The following CDC42EP3 variants were observed in gnomAD, a reference collection of about 807,000 sequenced individuals.
CDC42EP3 encodes the protein CDC42 effector protein 3.
CDC42EP3 carries 4 observed loss-of-function variants against 15.5 expected under a neutral mutation model. That is an observed-to-expected ratio of 0.26 (90% CI 0.13 to 0.59). CDC42EP3 has a LOEUF of 0.59. Among genes scored for constraint, CDC42EP3 ranks in the 20% least tolerant of loss-of-function variants. The pLI is 0.89. For synonymous variants in CDC42EP3, 145 were observed against 130.3 expected, an observed-to-expected ratio of 1.11 and a Z score of -0.77; for missense variants, 309 against 311.2, an observed-to-expected ratio of 0.99 and a Z score of 0.05.
rs149974857 is a variant in CDC42EP3 at position 37,646,218 on chromosome 2, A to C, written c.370T>G (p.Ser124Ala). 121 of 1,614,068 alleles carry C rather than the reference A, an allele frequency of 7.5e-5. No homozygotes were observed. Among genetic ancestry groups the C allele is most frequent in the Non-Finnish European group, 1.0e-4 (118 of 1,180,036 alleles). ...GSQALMLPLL[S>A]PVTFNSKQES... ...TGTTTGGAATTAAATGTCACTGGTGACAATAAGGGCAACATGAGAGCTTGG... is the reference window on the plus strand; with the variant it reads ...TGTTTGGAATTAAATGTCACTGGTGCCAATAAGGGCAACATGAGAGCTTGG... The change falls in exon 2 of 2, where the codon TCA (serine) becomes GCA (alanine). Residue 124 changes from serine (S) to alanine (A), a missense_variant. By Grantham distance (99) the Ser-to-Ala change is moderately conservative. Coordinates refer to ENST00000295324, the MANE Select transcript of CDC42EP3 (RefSeq NM_006449.5).
In CDC42EP3 at chr2:37,663,130, A is replaced by G. The variant is rs138078441; in HGVS notation, c.-236+8296T>C. Among the ~76,000 whole-genome samples the G allele has an allele frequency of 1.7e-3, 265 of 152,314 alleles. 1 individual carries two copies. Among genetic ancestry groups the G allele is most frequent in the Middle Eastern group, 0.01 (3 of 294 alleles). ...TAGTAAGCCAAGACTGTGCCACTGC[A>G]CTCTGGCCTGGGCAACTGAGTGAGT... On this transcript the variant is annotated intron_variant, in intron 1 of 1. Transcript: ENST00000295324.
rs544131862 is a variant in CDC42EP3, at chr2:37,645,460, G to T, written c.*363C>A. ...TTCCTCTTGCTCAGAAAATGTCGGA[G>T]TGCTATAAAGTTCCGTGAAGTTCCT... On this transcript the variant is annotated 3_prime_UTR_variant, in exon 2 of 2. Transcript: ENST00000295324. The T allele has an allele frequency of 5.9e-6, 1 of 169,062 alleles. No homozygotes were observed. Among genetic ancestry groups the T allele is most frequent in the African/African-American group, 2.4e-5 (1 of 42,144 alleles). 10.5% of individuals were successfully genotyped at this position (169,062 alleles called of 1,614,324 possible). A position where few individuals can be genotyped will look rare whatever the true frequency, so the allele number is the denominator to read the frequency against.
chr2:37,671,825 G>C (rs1269083827), upstream of CDC42EP3: 5 of 150,750 alleles, frequency 3.3e-5, no homozygotes, highest in Non-Finnish European at 7.4e-5. Flanking sequence ...GCGCGCGGGG[G>C]GGGGTCACCG....
At chr2:37,658,871 A>C (rs1365626091) in intron 1 of CDC42EP3, among the ~76,000 whole-genome samples, 1 of 152,156 alleles carries the variant, frequency 6.6e-6, no homozygotes, top group Non-Finnish European at 1.5e-5. Context: ...CTTCCAATCT[A>C]CACCAGAGTG....
chr2:37,652,436 C>T (rs992976863), intron 1 of CDC42EP3, among the ~76,000 whole-genome samples: 4 of 152,136 alleles, frequency 2.6e-5, no homozygotes, highest in Non-Finnish European at 4.4e-5. Flanking sequence ...CTGGGTGTTC[C>T]ACAACCCAGA....
At chr2:37,660,007 G>A (rs1465979797) in intron 1 of CDC42EP3, among the ~76,000 whole-genome samples, 1 of 152,154 alleles carries the variant, frequency 6.6e-6, no homozygotes, top group Middle Eastern at 3.2e-3. Flanking sequence ...GATACACTGG[G>A]TACCAGTTAC....
chr2:37,672,239 C>G (rs868574437), upstream of CDC42EP3: 1 of 152,238 alleles, frequency 6.6e-6, no homozygotes, highest in Non-Finnish European at 1.5e-5. Context: ...TAGCTCGCTC[C>G]CCTCAGAGCT....
chr2:37,651,429 C>CTATGA (rs1665673059), intron 1 of CDC42EP3, among the ~76,000 whole-genome samples: 1 of 152,172 alleles, frequency 6.6e-6, no homozygotes, highest in South Asian at 2.1e-4. Flanking sequence ...GAAAAGCCTA[C>CTATGA]TATGAGTTAC....
At chr2:37,659,683 C>T (rs1156820280) in intron 1 of CDC42EP3, among the ~76,000 whole-genome samples, 2 of 152,184 alleles carry the variant, frequency 1.3e-5, no homozygotes, top group Non-Finnish European at 2.9e-5. Context: ...AAACAATGAA[C>T]TTGCTCTTTT....
Position 37,645,852 on chromosome 2 carries a change from C to A in CDC42EP3, c.736G>T (p.Val246Leu). Residue 246 changes from valine to leucine, a missense_variant, in exon 2 of 2, where the codon GTG (valine) becomes TTG (leucine). Coordinates refer to ENST00000295324, the MANE Select transcript of CDC42EP3 (RefSeq NM_006449.5). ...TTATTTTTATCCATTACATTCAGCA[C>A]CTCATCCAAAAGTGAGGGCCCAAGA... is the stretch of plus-strand genomic sequence containing the variant. ...LDLGPSLLDE[V>L]LNVMDKNK is the part of the protein sequence containing the mutation. 6.4e-7 allele frequency: 1 copy of A among 1,557,810 alleles called. No individual in the cohort carries two copies. The highest frequency in any genetic ancestry group is 1.2e-5 in the South Asian group (1 of 81,486).
At chr2:37,656,990 A>AC (rs1558340416) in intron 1 of CDC42EP3, among the ~76,000 whole-genome samples, 2 of 42,308 alleles carry the variant, frequency 4.7e-5, no homozygotes, top group African/African-American at 8.3e-5. Context: ...CCCCCCCCCC[A>AC]CCCCCCGCCC....
intron 1 of CDC42EP3, among the ~76,000 whole-genome samples, 187 bp downstream of exon 1, chr2:37,671,239 C>G (rs1251125684): frequency 6.6e-6 from 1 of 152,256 alleles, no homozygotes; most frequent in Non-Finnish European, 1.5e-5. Flanking sequence ...GCCGGACCCC[C>G]TCCTGGCTTG....
At position 37,646,766 on chromosome 2, in the gene CDC42EP3, T is replaced by G. The variant is rs1665497066; in HGVS notation, c.-179A>C. On this transcript the variant is annotated 5_prime_UTR_variant, in exon 2 of 2. Coordinates refer to ENST00000295324, the MANE Select transcript of CDC42EP3 (RefSeq NM_006449.5). ...GAACCTTCCTGAGGTTACGGCCAAG[T>G]GAGGCTTCCTAGAGAGCCAGTTACA... The G allele has an allele frequency of 1.7e-6, 1 of 602,530 alleles. No individual in the cohort carries two copies. The highest frequency in any genetic ancestry group is 2.9e-6 in the Non-Finnish European group (1 of 343,924). 37.3% of individuals were successfully genotyped at this position (602,530 alleles called of 1,614,324 possible).
At position 37,660,968 on chromosome 2, in the gene CDC42EP3, G is replaced by T. The variant is rs552632062; in HGVS notation, c.-236+10458C>A. ...TATGGGAGTCCAGATTTCCAGGCTTGATGAGTAAGGAAGAGCCTAAGGTCC... is the reference window on the plus strand; with the variant it reads ...TATGGGAGTCCAGATTTCCAGGCTTTATGAGTAAGGAAGAGCCTAAGGTCC... On this transcript the variant is annotated intron_variant, in intron 1 of 1. Transcript: ENST00000295324. Among the ~76,000 whole-genome samples the T allele has an allele frequency of 3.3e-5, 5 of 152,236 alleles. No homozygotes were observed. In the South Asian group the frequency reaches 1.0e-3, roughly 32 times the overall value.
intron 1 of CDC42EP3, among the ~76,000 whole-genome samples, chr2:37,670,457 G>T (rs1307408662): frequency 1.3e-5 from 2 of 149,286 alleles, no homozygotes; most frequent in Admixed American, 1.3e-4. Context: ...ATACCCTCCT[G>T]ACATTCCTCA....
Position 37,646,589 on chromosome 2 carries a change from T to A in CDC42EP3, c.-2A>T. ...GTAAATTGGGGTCTTGGCTGGCATT[T>A]TGGAATTTGAGAATGTCTATTTTGC... On this transcript the variant is annotated 5_prime_UTR_variant, in exon 2 of 2. Coordinates refer to ENST00000295324, the MANE Select transcript of CDC42EP3 (RefSeq NM_006449.5). The A allele has an allele frequency of 6.5e-7, 1 of 1,530,426 alleles. No individual in the cohort carries two copies. Among genetic ancestry groups the A allele is most frequent in the Non-Finnish European group, 8.7e-7 (1 of 1,143,272 alleles). The allele number at this position is 1,530,426 out of a possible 1,614,324, so 94.8% of individuals were successfully genotyped here.
At chr2:37,650,082 A>G (rs574746751) in intron 1 of CDC42EP3, among the ~76,000 whole-genome samples, 30 of 152,328 alleles carry the variant, frequency 2.0e-4, no homozygotes, top group Non-Finnish European at 3.2e-4. Flanking sequence ...TGTCAGTTTT[A>G]CAACTCTAGG....
intron 1 of CDC42EP3, among the ~76,000 whole-genome samples, chr2:37,658,743 G>C (rs879167427): frequency 4.6e-5 from 7 of 152,094 alleles, no homozygotes; most frequent in African/African-American, 1.7e-4. Flanking sequence ...TGTCTGGACT[G>C]TCTCTCCTCA....
chr2:37,665,315 A>AT (rs917260085), intron 1 of CDC42EP3, among the ~76,000 whole-genome samples: 34 of 148,338 alleles, frequency 2.3e-4, no homozygotes, highest in African/African-American at 8.4e-4. Flanking sequence ...CCACTCTGCC[A>AT]TTTTTTTTCA....
Sources: allele counts gnomAD v4.1 joint callset (sites outside exome capture counted in the v4.1 genomes callset), GRCh38; gene constraint gnomAD v4.1.1; transcripts MANE v1.5; gene names NCBI Gene and HGNC (gene_info 2026-07-23, HGNC 2026-07-21).